Variants in KLF12 observed in about 807,000 individuals in gnomAD.
KLF12 encodes the protein KLF transcription factor 12, also known as Krueppel-like factor 12.
In KLF12, 9 loss-of-function variants were observed where a neutral mutation model predicts 37.8. That is an observed-to-expected ratio of 0.24 (90% CI 0.14 to 0.42). The LOEUF (loss-of-function observed/expected upper bound fraction) is 0.42. Ranked by LOEUF, KLF12 falls within the 10% of genes least tolerant of loss-of-function variation. The pLI is 1.00. For synonymous variants in KLF12, 208 were observed against 202.1 expected (o/e 1.03, Z -0.25); for missense variants, 411 against 516.0 (o/e 0.80, Z 1.97).
chr13:73,758,336 T>C (rs1480624620), intron 6 of KLF12, among the ~76,000 whole-genome samples: 1 of 152,204 alleles, frequency 6.6e-6, no homozygotes, highest in African/African-American at 2.4e-5. Context: ...GATTTCAGAC[T>C]GTGTGAATTT....
chr13:73,724,690 T>A (rs1333803804), intron 6 of KLF12, among the ~76,000 whole-genome samples: 1 of 152,212 alleles, frequency 6.6e-6, no homozygotes, highest in East Asian at 1.9e-4. Context: ...TAGAGAGGTA[T>A]ACCAATATGA....
the KLF12 span, among the ~76,000 whole-genome samples, chr13:74,274,452 C>T: frequency 6.6e-6 from 1 of 152,084 alleles, no homozygotes; most frequent in Non-Finnish European, 1.5e-5. Flanking sequence ...TAATTATTTC[C>T]TTATGACCAA....
chr13:74,093,170 A>G (rs1190119580), intron 1 of KLF12, among the ~76,000 whole-genome samples: 1 of 152,238 alleles, frequency 6.6e-6, no homozygotes, highest in Non-Finnish European at 1.5e-5. Flanking sequence ...AGCCTGCCTG[A>G]GTTCATTTTC....
chr13:74,265,601 G>C, the KLF12 span, among the ~76,000 whole-genome samples: 1 of 152,168 alleles, frequency 6.6e-6, no homozygotes, highest in African/African-American at 2.4e-5. Flanking sequence ...ATGGCACTGT[G>C]GTTCAATGGT....
At chr13:73,753,482 G>A (rs771246022) in intron 6 of KLF12, among the ~76,000 whole-genome samples, 4 of 152,052 alleles carry the variant, frequency 2.6e-5, no homozygotes, top group Non-Finnish European at 4.4e-5. Context: ...ACTACCAGAT[G>A]CTAGCCAGTT....
intron 3 of KLF12, among the ~76,000 whole-genome samples, chr13:73,877,098 A>T (rs1594202456): frequency 6.6e-6 from 1 of 152,252 alleles, no homozygotes; most frequent in Middle Eastern, 3.4e-3. Flanking sequence ...TTCTTTGGGA[A>T]ATTATACATT....
intron 6 of KLF12, among the ~76,000 whole-genome samples, chr13:73,717,809 G>C (rs1309000524): frequency 6.6e-6 from 1 of 152,178 alleles, no homozygotes; most frequent in Non-Finnish European, 1.5e-5. Context: ...TGTAAGAACA[G>C]CTGTAGTTAC....
rs1019239569 is a variant in KLF12, at chr13:73,689,928, A to G, written c.*5562T>C. ...ACAGTCAACTTTTTATCTGGAAATT[A>G]TAATTACCATATGCAATAGTGTTCA... On this transcript the variant is annotated 3_prime_UTR_variant, in exon 8 of 8. Transcript: ENST00000377669. 6.6e-6 allele frequency: 1 copy of G among 152,240 alleles called. No individual in the cohort carries two copies. The highest frequency in any genetic ancestry group is 1.5e-5 in the Non-Finnish European group (1 of 68,038). 9.4% of individuals were successfully genotyped at this position (152,240 alleles called of 1,614,324 possible).
chr13:74,192,101 T>C, the KLF12 span, among the ~76,000 whole-genome samples: 1 of 152,082 alleles, frequency 6.6e-6, no homozygotes, highest in South Asian at 2.1e-4. Flanking sequence ...ATGAGCTCTT[T>C]GAGAAATGTG....
the KLF12 span, among the ~76,000 whole-genome samples, chr13:74,284,429 G>A: frequency 1.3e-5 from 2 of 152,152 alleles, no homozygotes; most frequent in Non-Finnish European, 1.5e-5. Context: ...CCTTCTCAAA[G>A]AACAAATGTA....
At chr13:73,727,008 A>G (rs1436465200) in intron 6 of KLF12, among the ~76,000 whole-genome samples, 1 of 152,120 alleles carries the variant, frequency 6.6e-6, no homozygotes, top group Non-Finnish European at 1.5e-5. Flanking sequence ...ACCTCACTGT[A>G]GTTTTGATGA....
chr13:74,122,180 T>C (rs2138984436), intron 1 of KLF12, among the ~76,000 whole-genome samples: 1 of 152,172 alleles, frequency 6.6e-6, no homozygotes, highest in African/African-American at 2.4e-5. Flanking sequence ...TTACTTGCAA[T>C]GGAGATGTCA....
the KLF12 span, among the ~76,000 whole-genome samples, chr13:74,285,666 G>A: frequency 1.3e-5 from 2 of 152,298 alleles, no homozygotes; most frequent in South Asian, 4.1e-4. Context: ...TGCAAGCAGA[G>A]TACCTGGTTT....
chr13:74,024,391 T>A (rs1458716446), intron 1 of KLF12, among the ~76,000 whole-genome samples: 1 of 152,246 alleles, frequency 6.6e-6, no homozygotes, highest in Admixed American at 6.5e-5. Flanking sequence ...ACTCACTATA[T>A]AGTTAATACA....
chr13:73,986,965 TG>T (rs1413135182), intron 2 of KLF12, among the ~76,000 whole-genome samples: 1 of 152,144 alleles, frequency 6.6e-6, no homozygotes, highest in East Asian at 1.9e-4. Flanking sequence ...ACTAAGTTTG[TG>T]GTAATTTGTT....
chr13:73,828,598 G>A (rs969800245), intron 4 of KLF12, among the ~76,000 whole-genome samples: 7 of 152,036 alleles, frequency 4.6e-5, no homozygotes, highest in Admixed American at 4.6e-4. Context: ...GAATTCTCAC[G>A]TGGCTTCCTG....
chr13:74,256,154 C>CAAAAAAAAA, the KLF12 span, among the ~76,000 whole-genome samples: 3 of 75,620 alleles, frequency 4.0e-5, no homozygotes, highest in Non-Finnish European at 5.7e-5. Context: ...GACTCTGTCT[C>CAAAAAAAAA]AAAAAAAAAA....
At chr13:73,815,335 G>A (rs1241979455) in intron 4 of KLF12, among the ~76,000 whole-genome samples, 1 of 152,172 alleles carries the variant, frequency 6.6e-6, no homozygotes, top group Non-Finnish European at 1.5e-5. Flanking sequence ...TATTTTCGCT[G>A]TAGGCAACAG....
chr13:74,104,894 C>T (rs1384548483), intron 1 of KLF12, among the ~76,000 whole-genome samples: 1 of 152,036 alleles, frequency 6.6e-6, no homozygotes, highest in Non-Finnish European at 1.5e-5. Flanking sequence ...TTAGGTTCCC[C>T]CCTCCCCCGC....
Sources: gnomAD v4.1 joint callset for allele counts (sites outside exome capture counted in the v4.1 genomes callset) on GRCh38, gnomAD v4.1.1 for gene constraint, MANE v1.5 for transcripts, NCBI Gene and HGNC (gene_info 2026-07-23, HGNC 2026-07-21) for gene names.